Variants in GLIS3 observed in about 807,000 individuals in gnomAD.
GLIS3 encodes zinc finger protein GLIS3.
In GLIS3, 53 loss-of-function variants were observed where a neutral mutation model predicts 78.6. That is an observed-to-expected ratio of 0.67 (90% CI 0.54 to 0.85). GLIS3 has a LOEUF of 0.85. Ranked by LOEUF, GLIS3 falls within the 40% of genes least tolerant of loss-of-function variation. The pLI is 0.00. For missense variants in GLIS3, 1,703 were observed against 1,231.1 expected, an observed-to-expected ratio of 1.38 and a Z score of -5.74; for synonymous variants, 684 against 509.9, an observed-to-expected ratio of 1.34 and a Z score of -4.60.
intron 2 of GLIS3, among the ~76,000 whole-genome samples, chr9:4,344,870 A>G (rs1817878589): frequency 6.6e-6 from 1 of 152,170 alleles, no homozygotes; most frequent in African/African-American, 2.4e-5. Flanking sequence ...CTCACCCATC[A>G]GCGAATCTTA....
intron 1 of GLIS3, among the ~76,000 whole-genome samples, chr9:4,294,371 T>C (rs1816293579): frequency 6.6e-6 from 1 of 152,120 alleles, no homozygotes; most frequent in Non-Finnish European, 1.5e-5. Context: ...TAGCCAGGCA[T>C]GGTGGCACAT....
the GLIS3 span, among the ~76,000 whole-genome samples, chr9:4,381,930 T>G: frequency 5.3e-5 from 8 of 152,218 alleles, no homozygotes; most frequent in Non-Finnish European, 8.8e-5. Context: ...CGGCTGTGGC[T>G]AGGGAGACCA....
At chr9:4,042,438 C>A (rs661207) in intron 4 of GLIS3, among the ~76,000 whole-genome samples, 5 of 152,064 alleles carry the variant, frequency 3.3e-5, no homozygotes, top group African/African-American at 1.2e-4. Context: ...AGCATGCCAA[C>A]TGCTGCTGGG....
chr9:4,167,158 G>C (rs1815933936), intron 2 of GLIS3, among the ~76,000 whole-genome samples: 1 of 152,182 alleles, frequency 6.6e-6, no homozygotes, highest in African/African-American at 2.4e-5. Context: ...CATCCAAAGA[G>C]GATAAGGGAG....
chr9:4,163,607 T>C (rs10448176), intron 2 of GLIS3, among the ~76,000 whole-genome samples: 1,979 of 152,350 alleles, frequency 0.013, 21 homozygotes, highest in Middle Eastern at 0.02. Context: ...ACACTGAAAT[T>C]AGACTGCAAA....
intron 8 of GLIS3, among the ~76,000 whole-genome samples, chr9:3,871,871 C>G (rs1820991497): frequency 6.6e-6 from 1 of 152,220 alleles, no homozygotes. Flanking sequence ...GCTTGAATTT[C>G]TCCCCAGAAA....
the GLIS3 span, among the ~76,000 whole-genome samples, chr9:4,366,023 G>T: frequency 6.6e-6 from 1 of 152,196 alleles, no homozygotes; most frequent in African/African-American, 2.4e-5. Flanking sequence ...TAGCAGGGAA[G>T]GAAAGGCCGT....
chr9:4,172,912 A>C (rs993718140), intron 2 of GLIS3, among the ~76,000 whole-genome samples: 2 of 152,232 alleles, frequency 1.3e-5, no homozygotes, highest in African/African-American at 4.8e-5. Flanking sequence ...CATGTAGGGA[A>C]GCAGGCCAGA....
At chr9:3,989,322 C>G (rs539635612) in intron 4 of GLIS3, among the ~76,000 whole-genome samples, 1 of 152,178 alleles carries the variant, frequency 6.6e-6, no homozygotes, top group Admixed American at 6.5e-5. Flanking sequence ...GGTACAGGCA[C>G]TCTGGAAAAC....
intron 2 of GLIS3, among the ~76,000 whole-genome samples, chr9:4,141,506 C>T (rs531460452): frequency 6.6e-5 from 10 of 152,210 alleles, no homozygotes; most frequent in Non-Finnish European, 1.3e-4. Flanking sequence ...GAATGTTCTG[C>T]TCTCTACAAA....
the GLIS3 span, among the ~76,000 whole-genome samples, chr9:4,449,667 G>T: frequency 3.3e-5 from 5 of 152,216 alleles, no homozygotes; most frequent in African/African-American, 1.2e-4. Flanking sequence ...AATATTTGCT[G>T]CTCTGCAGCC....
chr9:4,369,125 C>T, the GLIS3 span, among the ~76,000 whole-genome samples: 1 of 152,042 alleles, frequency 6.6e-6, no homozygotes, highest in Non-Finnish European at 1.5e-5. Context: ...TCAGCTTCAC[C>T]TTGGAATTTT....
At chr9:4,057,093 C>G (rs546916603) in intron 4 of GLIS3, among the ~76,000 whole-genome samples, 17 of 152,100 alleles carry the variant, frequency 1.1e-4, no homozygotes, top group African/African-American at 4.1e-4. Flanking sequence ...GACCACAATT[C>G]TAGAACACCT....
chr9:4,397,671 AGGGAGGAAGGGAGGGAGGGAGGGAGGG>A, the GLIS3 span, among the ~76,000 whole-genome samples: 1 of 7,380 alleles, frequency 1.4e-4, no homozygotes, highest in Non-Finnish European at 5.1e-4. Flanking sequence ...GAAGGAAGGG[AGGGAGGAAGGGAGGGAGGGAGGGAGGG>A]AGGGAGGAAG....
chr9:4,045,607 C>T (rs1251801244), intron 4 of GLIS3, among the ~76,000 whole-genome samples: 1 of 151,864 alleles, frequency 6.6e-6, no homozygotes, highest in African/African-American at 2.4e-5. Flanking sequence ...AAAGTGCTGA[C>T]ATTACAGATG....
At chr9:4,105,456 A>C (rs1830676197) in intron 4 of GLIS3, among the ~76,000 whole-genome samples, 1 of 152,176 alleles carries the variant, frequency 6.6e-6, no homozygotes, top group South Asian at 2.1e-4. Context: ...TTACTCACTG[A>C]TGGCAATTAG....
Position 3,987,784 on chromosome 9 carries a change from A to AAAAAAAAAAAAAAAC in GLIS3, c.1711-50596_1711-50595insGTTTTTTTTTTTTTT, listed in dbSNP as rs1554665966. On this transcript the variant is annotated intron_variant, in intron 4 of 10. Coordinates refer to ENST00000381971, the MANE Select transcript of GLIS3 (RefSeq NM_001042413.2). ...GGCAAAAAAAAAAAAAAAAAAAAAAAAAAACAAAACACAAACATAAACCTA... is the reference window on the plus strand; with the variant it reads ...GGCAAAAAAAAAAAAAAAAAAAAAAAAAAAAAAAAAAAAACAAAACAAAACACAAACATAAACCTA... Among the ~76,000 whole-genome samples, 4 of 69,546 alleles carry AAAAAAAAAAAAAAAC rather than the reference A, an allele frequency of 5.8e-5. 1 individual carries two copies. Among genetic ancestry groups the AAAAAAAAAAAAAAAC allele is most frequent in the African/African-American group, 1.5e-4 (3 of 19,638 alleles). The allele number at this position is 69,546 out of a possible 152,430, so 45.6% of individuals were successfully genotyped here. A position where few individuals can be genotyped will look rare whatever the true frequency, so the allele number is the denominator to read the frequency against.
chr9:4,012,765 CTTTTTTTTTTT>C lies in GLIS3; in HGVS notation c.1711-75587_1711-75577del, dbSNP rs71324278. On this transcript the variant is annotated intron_variant, in intron 4 of 10. Transcript: ENST00000381971. ...TCTCTGGTTTCTTTTTTTTCTTTTTCTTTTTTTTTTTTTTTTTTTTTTTTGAGACAGTGTTT... is the reference window on the plus strand; with the variant it reads ...TCTCTGGTTTCTTTTTTTTCTTTTTCTTTTTTTTTTTTTGAGACAGTGTTT... Among the ~76,000 whole-genome samples the C allele has an allele frequency of 9.0e-5, 6 of 66,478 alleles. No individual in the cohort carries two copies. In the Admixed American group the frequency reaches 1.1e-3, roughly 12 times the overall value. The allele number at this position is 66,478 out of a possible 152,430, so 43.6% of individuals were successfully genotyped here.
intron 2 of GLIS3, among the ~76,000 whole-genome samples, chr9:4,134,660 A>C (rs1310645513): frequency 6.6e-6 from 1 of 152,230 alleles, no homozygotes; most frequent in East Asian, 1.9e-4. Flanking sequence ...TGATATTTTT[A>C]GTAATGCAAA....
Sources: gnomAD v4.1 joint callset for allele counts (sites outside exome capture counted in the v4.1 genomes callset) on GRCh38, gnomAD v4.1.1 for gene constraint, MANE v1.5 for transcripts, NCBI Gene and HGNC (gene_info 2026-07-23, HGNC 2026-07-21) for gene names.